RNF187: variants seen among roughly 807,000 people sequenced by gnomAD.
RNF187 encodes the protein E3 ubiquitin-protein ligase RNF187.
In RNF187, 18 loss-of-function variants were observed where a neutral mutation model predicts 22.2. That is an observed-to-expected ratio of 0.81 (90% CI 0.56 to 1.20). The LOEUF (loss-of-function observed/expected upper bound fraction) is 1.20, where lower values mean the gene tolerates loss of function less well. Among genes scored for constraint, RNF187 ranks in the 50% most tolerant of loss-of-function variants. The pLI is 0.00. For missense variants in RNF187, 329 were observed against 317.6 expected (o/e 1.04, Z -0.27); for synonymous variants, 164 against 140.9 (o/e 1.16, Z -1.16).
chr1:228,488,914 G>T, intron 1 of RNF187, 46 bp from the exon 2 acceptor site: 1 of 1,460,090 alleles, frequency 6.8e-7, no homozygotes, highest in Non-Finnish European at 9.4e-7. Context: ...TGGGTTGGGG[G>T]ACCCAGAGCT....
chr1:228,493,780 A>G lies in RNF187; in HGVS notation c.706-103A>G. On this transcript the variant is annotated intron_variant, in intron 3 of 3. Transcript: ENST00000305943. The surrounding 1 kb of genome is among the most constrained non-coding windows in gnomAD (Gnocchi z 4.7). ...AGGACAGTACCTCATGCGCTGTCTCATGTGCGCTCTCTCTTTCGCTCTCTC... is the reference window on the plus strand; with the variant it reads ...AGGACAGTACCTCATGCGCTGTCTCGTGTGCGCTCTCTCTTTCGCTCTCTC... The G allele has an allele frequency of 1.2e-5, 15 of 1,250,908 alleles. No individual in the cohort carries two copies. In the African/African-American group the frequency reaches 2.2e-4, roughly 19 times the overall value. The allele number at this position is 1,250,908 out of a possible 1,614,324, so 77.5% of individuals were successfully genotyped here. A position where few individuals can be genotyped will look rare whatever the true frequency, so the allele number is the denominator to read the frequency against.
Position 228,495,781 on chromosome 1 carries a change from CTATG to C in RNF187, c.*1899_*1902del. 5 of 967,390 alleles carry C rather than the reference CTATG, an allele frequency of 5.2e-6. No individual in the cohort carries two copies. Among genetic ancestry groups the C allele is most frequent in the African/African-American group, 1.8e-5 (1 of 56,954 alleles). The allele number at this position is 967,390 out of a possible 1,614,324, so 59.9% of individuals were successfully genotyped here. ...GGGGCACAGTGTGATGTTTTGATATCTATGTACATTGTGGAGTGACAGATTAATG... is the reference window on the plus strand; with the variant it reads ...GGGGCACAGTGTGATGTTTTGATATCTACATTGTGGAGTGACAGATTAATG... On this transcript the variant is annotated 3_prime_UTR_variant, in exon 4 of 4. Transcript: ENST00000305943.
chr1:228,493,920 CAGG>C lies in RNF187; in HGVS notation c.*40_*42del. The stretch of plus-strand genomic sequence containing the variant: ...CCCGTGGCAGTCCCAGAGCTGGAGG[CAGG>C]AGGATGGATCCTCATCTCCATGGGA... On this transcript the variant is annotated 3_prime_UTR_variant, in exon 4 of 4. Coordinates refer to ENST00000305943, the MANE Select transcript of RNF187 (RefSeq NM_001010858.3). This position sits in a 1 kb window ranked among gnomAD's most constrained non-coding sequence, Gnocchi z 4.7. 1 of 1,551,770 alleles carries C rather than the reference CAGG, an allele frequency of 6.4e-7. No homozygotes were observed. The highest frequency in any genetic ancestry group is 8.7e-7 in the Non-Finnish European group (1 of 1,146,982).
chr1:228,494,421 C>A lies in RNF187; in HGVS notation c.*536C>A. 66 of 995,180 alleles carry A rather than the reference C, an allele frequency of 6.6e-5. 1 individual carries two copies. The African/African-American group carries it at 1.0e-3, about 16-fold the overall frequency. The allele number at this position is 995,180 out of a possible 1,614,324, so 61.6% of individuals were successfully genotyped here. A position where few individuals can be genotyped will look rare whatever the true frequency, so the allele number is the denominator to read the frequency against. On this transcript the variant is annotated 3_prime_UTR_variant, in exon 4 of 4. Coordinates refer to ENST00000305943, the MANE Select transcript of RNF187 (RefSeq NM_001010858.3). ...TGATGCCTCCTGAGGAGGCGGCCCC[C>A]CTCTTGAGGTGGGCGTGGGCCCGGC...
At chr1:228,490,266 A>T in intron 2 of RNF187, among the ~76,000 whole-genome samples, 1 of 152,100 alleles carries the variant, frequency 6.6e-6, no homozygotes, top group African/African-American at 2.4e-5. Flanking sequence ...CACAGGCCTG[A>T]GGTGCAGGCC....
chr1:228,494,170 C>T lies in RNF187; in HGVS notation c.*285C>T. On this transcript the variant is annotated 3_prime_UTR_variant, in exon 4 of 4. Coordinates refer to ENST00000305943, the MANE Select transcript of RNF187 (RefSeq NM_001010858.3). ...GCCCATCCTCCATGAGTCCCGGCAG[C>T]TCTGGGTCATGCCCTTCCCTGGTCA... The T allele has an allele frequency of 3.6e-6, 5 of 1,394,754 alleles. No individual in the cohort carries two copies. The highest frequency in any genetic ancestry group is 3.7e-6 in the Non-Finnish European group (4 of 1,073,748). 86.4% of individuals were successfully genotyped at this position (1,394,754 alleles called of 1,614,324 possible).
intron 1 of RNF187, 47 bp downstream of exon 1, chr1:228,487,925 C>A: frequency 9.1e-7 from 1 of 1,100,744 alleles, no homozygotes; most frequent in Non-Finnish European, 1.1e-6. Context: ...GTGCCCTGCG[C>A]CTCTCCGCCC....
In RNF187 at chr1:228,493,767, C is replaced by T; in HGVS notation, c.706-116C>T. ...GTTTGTTGTGCTCAGGACAGTACCT[C>T]ATGCGCTGTCTCATGTGCGCTCTCT... is the stretch of plus-strand genomic sequence containing the variant. On this transcript the variant is annotated intron_variant, in intron 3 of 3. Transcript: ENST00000305943. This position sits in a 1 kb window ranked among gnomAD's most constrained non-coding sequence, Gnocchi z 4.7. The T allele has an allele frequency of 9.0e-7, 1 of 1,116,256 alleles. No homozygotes were observed. The highest frequency in any genetic ancestry group is 1.3e-6 in the Non-Finnish European group (1 of 753,388). 69.1% of individuals were successfully genotyped at this position (1,116,256 alleles called of 1,614,324 possible).
chr1:228,489,138 C>A, intron 2 of RNF187, 86 bp downstream of exon 2: 1 of 1,160,752 alleles, frequency 8.6e-7, no homozygotes, highest in Non-Finnish European at 1.2e-6. Context: ...CCAAGTGGGC[C>A]AGGCCTCTGA....
In RNF187 at chr1:228,493,901, G is replaced by A; in HGVS notation, c.*16G>A. ...CATGCAGTGATGGCGCCAACCCGTG[G>A]CAGTCCCAGAGCTGGAGGCAGGAGG... On this transcript the variant is annotated 3_prime_UTR_variant, in exon 4 of 4. Transcript: ENST00000305943. The surrounding 1 kb of genome is among the most constrained non-coding windows in gnomAD (Gnocchi z 4.7). The A allele has an allele frequency of 6.4e-7, 1 of 1,551,754 alleles. No individual in the cohort carries two copies. Among genetic ancestry groups the A allele is most frequent in the Non-Finnish European group, 8.7e-7 (1 of 1,147,002 alleles).
Position 228,495,823 on chromosome 1 carries a change from GT to G in RNF187, c.*1946del. On this transcript the variant is annotated 3_prime_UTR_variant, in exon 4 of 4. Transcript: ENST00000305943. Reference sequence around the variant, plus strand: ...TGACAGATTAATGTATCCATCTCATGTTTTTTTTGGTGGTGAGAATATTTGA... The same window carrying G: ...TGACAGATTAATGTATCCATCTCATGTTTTTTTGGTGGTGAGAATATTTGA... The G allele has an allele frequency of 4.4e-5, 38 of 856,466 alleles. No individual in the cohort carries two copies. Among genetic ancestry groups the G allele is most frequent in the Non-Finnish European group, 4.9e-5 (35 of 712,580 alleles). The allele number at this position is 856,466 out of a possible 1,614,324, so 53.1% of individuals were successfully genotyped here.
chr1:228,495,347 T>G lies in RNF187; in HGVS notation c.*1462T>G. 1 of 394,108 alleles carries G rather than the reference T, an allele frequency of 2.5e-6. No homozygotes were observed. Among genetic ancestry groups the G allele is most frequent in the Non-Finnish European group, 3.4e-6 (1 of 289,930 alleles). The allele number at this position is 394,108 out of a possible 1,614,324, so 24.4% of individuals were successfully genotyped here. On this transcript the variant is annotated 3_prime_UTR_variant, in exon 4 of 4. Transcript: ENST00000305943. ...GAACCCAGTCAGGTACCATTGAGGG[T>G]GGTCAGATATTATGGTTAACCAAAT...
Position 228,487,872 on chromosome 1 carries a change from C to A in RNF187, c.384C>A (p.Arg128=). Residue 128 remains arginine (R), a synonymous_variant, in exon 1 of 4, where the codon CGC becomes CGA. Transcript: ENST00000305943. ...AACCGCGCTGGAGGAAGGCGCTGCG[C>A]GGCAAGGTGCGCGCCGCGGGGTCCC... 8.2e-7 allele frequency: 1 copy of A among 1,221,430 alleles called. No homozygotes were observed. Among genetic ancestry groups the A allele is most frequent in the Non-Finnish European group, 1.0e-6 (1 of 977,038 alleles). The allele number at this position is 1,221,430 out of a possible 1,614,324, so 75.7% of individuals were successfully genotyped here.
chr1:228,491,568 G>T, intron 2 of RNF187, among the ~76,000 whole-genome samples: 1 of 151,826 alleles, frequency 6.6e-6, no homozygotes, highest in Admixed American at 6.6e-5. Context: ...AGCCTCCCGA[G>T]TAACTGCGAC....
intron 2 of RNF187, among the ~76,000 whole-genome samples, chr1:228,491,167 A>G: frequency 1.4e-4 from 21 of 151,968 alleles, no homozygotes; most frequent in African/African-American, 4.6e-4. Context: ...GTGTAGGAGG[A>G]TTGCTTGAGG....
chr1:228,494,718 G>A lies in RNF187; in HGVS notation c.*833G>A. ...TTGCAAAGCTTGTAGCAGTAGCTCAGTTGCCTGCAGCATCCTTGTGTGTAG... is the reference window on the plus strand; with the variant it reads ...TTGCAAAGCTTGTAGCAGTAGCTCAATTGCCTGCAGCATCCTTGTGTGTAG... On this transcript the variant is annotated 3_prime_UTR_variant, in exon 4 of 4. Transcript: ENST00000305943. 1.7e-5 allele frequency: 17 copies of A among 985,530 alleles called. No individual in the cohort carries two copies. Among genetic ancestry groups the A allele is most frequent in the Non-Finnish European group, 2.0e-5 (17 of 830,006 alleles). The allele number at this position is 985,530 out of a possible 1,614,324, so 61.0% of individuals were successfully genotyped here.
intron 1 of RNF187, 70 bp downstream of exon 1, chr1:228,487,948 C>T: frequency 1.0e-6 from 1 of 973,998 alleles, no homozygotes; most frequent in Non-Finnish European, 1.3e-6. Flanking sequence ...GCCCCGGTCC[C>T]CCTGAGCCCT....
chr1:228,491,002 G>C, intron 2 of RNF187, among the ~76,000 whole-genome samples: 1 of 152,220 alleles, frequency 6.6e-6, no homozygotes, highest in South Asian at 2.1e-4. Context: ...CAGTCTTCCT[G>C]TGCAGCTGAG....
At position 228,494,420 on chromosome 1, in the gene RNF187, C is replaced by G; in HGVS notation, c.*535C>G. 3.0e-6 allele frequency: 3 copies of G among 996,272 alleles called. No individual in the cohort carries two copies. The highest frequency in any genetic ancestry group is 3.5e-5 in the African/African-American group (2 of 57,846). The allele number at this position is 996,272 out of a possible 1,614,324, so 61.7% of individuals were successfully genotyped here. On this transcript the variant is annotated 3_prime_UTR_variant, in exon 4 of 4. Transcript: ENST00000305943. ...TTGATGCCTCCTGAGGAGGCGGCCC[C>G]CCTCTTGAGGTGGGCGTGGGCCCGG...
Sources: allele counts gnomAD v4.1 joint callset (sites outside exome capture counted in the v4.1 genomes callset), GRCh38; gene constraint gnomAD v4.1.1; non-coding constraint Gnocchi (gnomAD v3.1); transcripts MANE v1.5; gene names NCBI Gene and HGNC (gene_info 2026-07-23, HGNC 2026-07-21).